The following ANKS6 variants were observed in gnomAD, a reference collection of about 807,000 sequenced individuals.
The protein encoded by ANKS6 is ankyrin repeat and sterile alpha motif domain containing 6, also known as ankyrin repeat and SAM domain-containing protein 6.
A neutral mutation model predicts 77.9 loss-of-function variants in ANKS6; 47 were observed. The ratio of observed to expected loss-of-function variants is 0.60; its 90% CI spans 0.48 to 0.77. The LOEUF is 0.77. ANKS6 is among the 30% of genes least tolerant of loss of function. The probability of loss-of-function intolerance (pLI) is 0.00; values close to 1 mark genes in which losing one functional copy is unlikely to be tolerated. For synonymous variants in ANKS6, 488 were observed against 501.7 expected, an observed-to-expected ratio of 0.97 and a Z score of 0.37; for missense variants, 1,150 against 1,159.1, an observed-to-expected ratio of 0.99 and a Z score of 0.11.
intron 2 of ANKS6, among the ~76,000 whole-genome samples, chr9:98,785,200 T>G (rs1564221776): frequency 6.6e-6 from 1 of 152,220 alleles, no homozygotes; most frequent in Admixed American, 6.5e-5. Context: ...TGAAAAGTCT[T>G]GGGGTCTTAG....
In ANKS6 at chr9:98,738,581, T is replaced by TA. The variant is rs914546500; in HGVS notation, c.2512-1959dup. ...GAATGGCCATAACAAAAAAATAAAATAAAAAAAAAAACAGTAGATGCTGGA... is the reference window on the plus strand; with the variant it reads ...GAATGGCCATAACAAAAAAATAAAATAAAAAAAAAAAACAGTAGATGCTGGA... On this transcript the variant is annotated intron_variant, in intron 14 of 14. Coordinates refer to ENST00000353234, the MANE Select transcript of ANKS6 (RefSeq NM_173551.5). 3.2e-4 allele frequency among the ~76,000 whole-genome samples: 47 copies of TA among 148,222 alleles called. No homozygotes were observed. In the South Asian group the frequency reaches 7.4e-3, roughly 23 times the overall value.
chr9:98,762,053 A>C (rs1378144492), intron 11 of ANKS6, among the ~76,000 whole-genome samples: 2 of 152,126 alleles, frequency 1.3e-5, no homozygotes, highest in Admixed American at 1.3e-4. Context: ...CTTCTTTATC[A>C]GTGTTTTGTA....
In ANKS6 at chr9:98,736,078, G is replaced by A; in HGVS notation, c.*441C>T. 2 of 1,169,946 alleles carry A rather than the reference G, an allele frequency of 1.7e-6. No individual in the cohort carries two copies. Among genetic ancestry groups the A allele is most frequent in the South Asian group, 4.1e-5 (1 of 24,540 alleles). The allele number at this position is 1,169,946 out of a possible 1,614,324, so 72.5% of individuals were successfully genotyped here. A position where few individuals can be genotyped will look rare whatever the true frequency, so the allele number is the denominator to read the frequency against. ...ACATCCTGGCCTCCTCTGCATCCAGGTGGGGCCACATGACTACCAGTGGCC... is the reference window on the plus strand; with the variant it reads ...ACATCCTGGCCTCCTCTGCATCCAGATGGGGCCACATGACTACCAGTGGCC... On this transcript the variant is annotated 3_prime_UTR_variant, in exon 15 of 15. Transcript: ENST00000353234.
rs1834040603 is a variant in ANKS6, at chr9:98,778,434, G to C, written c.1369-10C>G. On this transcript the variant is annotated splice_polypyrimidine_tract_variant and intron_variant, in intron 6 of 14. Coordinates refer to ENST00000353234, the MANE Select transcript of ANKS6 (RefSeq NM_173551.5). ...TTCGGTTCCACCAGGACTGCCAAAG[G>C]AACGCAGAGCAGAAGTCATGCTCCA... 1 of 1,613,196 alleles carries C rather than the reference G, an allele frequency of 6.2e-7. No homozygotes were observed. The highest frequency in any genetic ancestry group is 1.3e-5 in the African/African-American group (1 of 74,916).
intron 2 of ANKS6, 38 bp from the exon 3 acceptor site, chr9:98,784,914 G>A (rs1834482575): frequency 6.3e-7 from 1 of 1,587,966 alleles, no homozygotes; most frequent in Non-Finnish European, 8.6e-7. Context: ...ACCACGGAAA[G>A]GTTTAATATA....
In ANKS6 at chr9:98,733,902, G is replaced by A; in HGVS notation, c.*2617C>T. 1.0e-6 allele frequency: 1 copy of A among 985,446 alleles called. No homozygotes were observed. Among genetic ancestry groups the A allele is most frequent in the Non-Finnish European group, 1.2e-6 (1 of 829,984 alleles). The allele number at this position is 985,446 out of a possible 1,614,324, so 61.0% of individuals were successfully genotyped here. On this transcript the variant is annotated 3_prime_UTR_variant, in exon 15 of 15. Coordinates refer to ENST00000353234, the MANE Select transcript of ANKS6 (RefSeq NM_173551.5). ...AGGAGCATACTTTTGGGAAATGCTGGTGAAGGTTGCCAAGCAAGGGAGGTG... is the reference window on the plus strand; with the variant it reads ...AGGAGCATACTTTTGGGAAATGCTGATGAAGGTTGCCAAGCAAGGGAGGTG...
At chr9:98,743,918 G>A (rs1176247025) in intron 14 of ANKS6, among the ~76,000 whole-genome samples, 2 of 152,132 alleles carry the variant, frequency 1.3e-5, no homozygotes, top group African/African-American at 4.8e-5. Flanking sequence ...CCACCCTCAG[G>A]CTTCAGTTTC....
At chr9:98,750,184 C>G (rs1166375792) in intron 13 of ANKS6, among the ~76,000 whole-genome samples, 2 of 152,236 alleles carry the variant, frequency 1.3e-5, no homozygotes, top group Admixed American at 1.3e-4. Flanking sequence ...TACCCGCCTA[C>G]TCCTCCACCC....
At chr9:98,746,028 C>T (rs889386758) in intron 13 of ANKS6, 5 of 288,448 alleles carry the variant, frequency 1.7e-5, no homozygotes, top group African/African-American at 6.5e-5. Context: ...TTAACAATAT[C>T]GGATACTGTA....
At chr9:98,759,504 AC>A (rs780197301) in intron 11 of ANKS6, among the ~76,000 whole-genome samples, 2 of 152,210 alleles carry the variant, frequency 1.3e-5, no homozygotes, top group Non-Finnish European at 2.9e-5. Flanking sequence ...TCAGATGCCA[AC>A]TGAAAGCCCC....
In ANKS6 at chr9:98,778,441, G is replaced by C; in HGVS notation, c.1369-17C>G. On this transcript the variant is annotated splice_polypyrimidine_tract_variant and intron_variant, in intron 6 of 14. Coordinates refer to ENST00000353234, the MANE Select transcript of ANKS6 (RefSeq NM_173551.5). ...CCACCAGGACTGCCAAAGGAACGCA[G>C]AGCAGAAGTCATGCTCCAGGAAGGG... is the stretch of plus-strand genomic sequence containing the variant. 6.2e-7 allele frequency: 1 copy of C among 1,612,046 alleles called. No homozygotes were observed. Among genetic ancestry groups the C allele is most frequent in the Non-Finnish European group, 8.5e-7 (1 of 1,178,942 alleles).
At chr9:98,754,212 G>T (rs1659330769) in intron 12 of ANKS6, among the ~76,000 whole-genome samples, 1 of 152,224 alleles carries the variant, frequency 6.6e-6, no homozygotes, top group African/African-American at 2.4e-5. Context: ...AGGCTGAGAA[G>T]GTGATGCTGT....
At chr9:98,795,995 A>G (rs1297317004) in intron 1 of ANKS6, 138 bp downstream of exon 1, 2 of 816,882 alleles carry the variant, frequency 2.4e-6, no homozygotes, top group Non-Finnish European at 3.3e-6. Context: ...TTTACAAAAG[A>G]CTACTCAAAG....
intron 2 of ANKS6, among the ~76,000 whole-genome samples, chr9:98,788,690 G>T (rs532603195): frequency 9.8e-4 from 149 of 152,314 alleles, no homozygotes; most frequent in Non-Finnish European, 1.9e-3. Context: ...TTTCACAGAT[G>T]AGGCAAAGGC....
At chr9:98,776,301 C>A (rs530499339) in intron 8 of ANKS6, among the ~76,000 whole-genome samples, 3 of 152,234 alleles carry the variant, frequency 2.0e-5, no homozygotes, top group African/African-American at 7.2e-5. Flanking sequence ...AGAAATGACA[C>A]CCCTAATGTT....
chr9:98,775,673 C>A (rs1819974649), intron 8 of ANKS6, among the ~76,000 whole-genome samples: 1 of 152,102 alleles, frequency 6.6e-6, no homozygotes. Context: ...TAAAAAACTG[C>A]TTACAAAAAA....
intron 12 of ANKS6, among the ~76,000 whole-genome samples, chr9:98,752,714 T>A (rs980792998): frequency 6.6e-6 from 1 of 152,230 alleles, no homozygotes; most frequent in Non-Finnish European, 1.5e-5. Flanking sequence ...GGTGAGGTCA[T>A]CCTGCTAGTC....
Position 98,778,397 on chromosome 9 carries a change from A to G in ANKS6, c.1396T>C (p.Phe466Leu), listed in dbSNP as rs747858367. ...KSWWNRMSNR[F>L]RKLKLMQTLP... ...GTCTGCATCAGTTTGAGCTTTCGGAACCGATTGGACATTCGGTTCCACCAG... is the reference window on the plus strand; with the variant it reads ...GTCTGCATCAGTTTGAGCTTTCGGAGCCGATTGGACATTCGGTTCCACCAG... The change falls in exon 7 of 15, where the codon TTC (phenylalanine) becomes CTC (leucine). Residue 466 changes from phenylalanine (F) to leucine (L), a missense_variant. Transcript: ENST00000353234. 6.8e-6 allele frequency: 11 copies of G among 1,614,082 alleles called. No homozygotes were observed. In the South Asian group the frequency reaches 9.9e-5, roughly 15 times the overall value.
chr9:98,785,254 T>C (rs1834502435), intron 2 of ANKS6, among the ~76,000 whole-genome samples: 1 of 152,226 alleles, frequency 6.6e-6, no homozygotes. Flanking sequence ...ATTTTTTTTC[T>C]TCTAAAAACT....
Sources: gnomAD v4.1 joint callset for allele counts (sites outside exome capture counted in the v4.1 genomes callset) on GRCh38, gnomAD v4.1.1 for gene constraint, MANE v1.5 for transcripts, NCBI Gene and HGNC (gene_info 2026-07-23, HGNC 2026-07-21) for gene names.